The following RORA variants were observed in gnomAD, a reference collection of about 807,000 sequenced individuals.
The protein encoded by RORA is nuclear receptor ROR-alpha.
RORA carries 7 observed loss-of-function variants against 69.5 expected under a neutral mutation model. The observed-to-expected ratio is 0.10, with a 90% CI of 0.06 to 0.19. RORA has a LOEUF of 0.19. RORA is among the 10% of genes least tolerant of loss of function. The pLI, the probability that RORA is intolerant of heterozygous loss-of-function variation, is 1.00. For missense variants in RORA, 457 were observed against 663.0 expected (o/e 0.69, Z 3.41); for synonymous variants, 261 against 240.8 (o/e 1.08, Z -0.78).
chr15:61,225,444 CAA>C (rs536457585), intron 1 of RORA, among the ~76,000 whole-genome samples: 192 of 152,274 alleles, frequency 1.3e-3, no homozygotes, highest in African/African-American at 4.6e-3. Flanking sequence ...CTTTCAAAGT[CAA>C]AGACGTATGT....
chr15:60,515,889 C>CAT lies in RORA; in HGVS notation c.283-1134_283-1133dup, dbSNP rs140835280. Among the ~76,000 whole-genome samples the CAT allele has an allele frequency of 2.0e-3, 212 of 106,782 alleles. 11 individuals carry two copies. The highest frequency in any genetic ancestry group is 0.01 in the African/African-American group (207 of 20,394). The allele number at this position is 106,782 out of a possible 152,430, so 70.1% of individuals were successfully genotyped here. A position where few individuals can be genotyped will look rare whatever the true frequency, so the allele number is the denominator to read the frequency against. Reference sequence around the variant, plus strand: ...CTGGCTAATTATACATACATACATACATATATATATTTATATATATTGTAT... The same window carrying CAT: ...CTGGCTAATTATACATACATACATACATATATATATATTTATATATATTGTAT... On this transcript the variant is annotated intron_variant, in intron 3 of 10. Transcript: ENST00000335670.
chr15:60,720,316 C>T (rs915607070), intron 1 of RORA, among the ~76,000 whole-genome samples: 1 of 152,064 alleles, frequency 6.6e-6, no homozygotes, highest in Non-Finnish European at 1.5e-5. Context: ...CTCGCCCTGA[C>T]GGCAAGACGG....
At chr15:61,118,003 T>G (rs2079066050) in intron 1 of RORA, among the ~76,000 whole-genome samples, 1 of 152,170 alleles carries the variant, frequency 6.6e-6, no homozygotes, top group Non-Finnish European at 1.5e-5. Flanking sequence ...ACTCATACAT[T>G]TATTCAACAA....
intron 1 of RORA, among the ~76,000 whole-genome samples, chr15:60,726,106 A>G (rs1464784763): frequency 6.6e-6 from 1 of 151,958 alleles, no homozygotes; most frequent in Non-Finnish European, 1.5e-5. Context: ...TTCTACCCAT[A>G]ATTAAGGCCA....
chr15:60,811,522 T>C (rs2072742512), intron 1 of RORA, among the ~76,000 whole-genome samples: 2 of 152,248 alleles, frequency 1.3e-5, no homozygotes. Flanking sequence ...GAGGAGAGAA[T>C]AGAATTACAC....
chr15:61,075,746 T>C (rs1566976664), intron 1 of RORA, among the ~76,000 whole-genome samples: 1 of 152,312 alleles, frequency 6.6e-6, no homozygotes, highest in East Asian at 1.9e-4. Context: ...CTTCCATGTC[T>C]AAACCTCCTC....
intron 1 of RORA, among the ~76,000 whole-genome samples, chr15:60,884,673 A>G (rs1035119942): frequency 1.3e-5 from 2 of 152,168 alleles, no homozygotes; most frequent in African/African-American, 4.8e-5. Flanking sequence ...CAGTTACTGA[A>G]GTGGTCTGGA....
At chr15:60,626,891 G>T (rs2069597974) in intron 2 of RORA, among the ~76,000 whole-genome samples, 1 of 152,140 alleles carries the variant, frequency 6.6e-6, no homozygotes, top group Non-Finnish European at 1.5e-5. Flanking sequence ...TCTACAGAGG[G>T]ATTCACGACC....
chr15:61,055,469 C>T, intron 1 of RORA, among the ~76,000 whole-genome samples: 1 of 152,190 alleles, frequency 6.6e-6, no homozygotes, highest in East Asian at 1.9e-4. Context: ...AAAGAAAACA[C>T]ACTCATCTCA....
intron 1 of RORA, among the ~76,000 whole-genome samples, chr15:61,021,340 G>A (rs75336871): frequency 0.043 from 6,613 of 152,242 alleles, 278 homozygotes; most frequent in East Asian, 0.22. Flanking sequence ...TAAATACACC[G>A]TCAGTATCAC....
In RORA at chr15:60,789,616, A is replaced by G. The variant is rs567308318; in HGVS notation, c.167-110930T>C. 2.6e-5 allele frequency among the ~76,000 whole-genome samples: 4 copies of G among 152,394 alleles called. No individual in the cohort carries two copies. The South Asian group carries it at 8.3e-4, about 32-fold the overall frequency. On this transcript the variant is annotated intron_variant, in intron 1 of 10. Coordinates refer to ENST00000335670, the MANE Select transcript of RORA (RefSeq NM_134261.3). ...TCAGGGACAGATCTAGGTTTGGGGC[A>G]GCTGAAGTTTAAGCAAGTTAGGGGA...
rs1567115378 is a variant in RORA at position 60,597,581 on chromosome 15, TATATATATATATACAC to T, written c.197-65746_197-65731del. 7.1e-4 allele frequency among the ~76,000 whole-genome samples: 15 copies of T among 21,032 alleles called. 1 individual carries two copies. Among genetic ancestry groups the T allele is most frequent in the African/African-American group, 1.3e-3 (7 of 5,432 alleles). The allele number at this position is 21,032 out of a possible 152,430, so 13.8% of individuals were successfully genotyped here. Reference sequence around the variant, plus strand: ...ATATATATATATATATATACACATATATATATATATATACACATATATATATATATATATATACATA... The same window carrying T: ...ATATATATATATATATATACACATATATATATATATATATATATATACATA... On this transcript the variant is annotated intron_variant, in intron 2 of 10. Coordinates refer to ENST00000335670, the MANE Select transcript of RORA (RefSeq NM_134261.3).
intron 3 of RORA, among the ~76,000 whole-genome samples, chr15:60,521,367 G>A (rs772703824): frequency 6.6e-6 from 1 of 150,864 alleles, no homozygotes; most frequent in East Asian, 1.9e-4. Context: ...TCAGCCTCCC[G>A]AGTAGCTGGG....
intron 3 of RORA, among the ~76,000 whole-genome samples, chr15:60,516,357 C>T (rs2065959398): frequency 7.2e-6 from 1 of 139,048 alleles, no homozygotes; most frequent in African/African-American, 2.7e-5. Context: ...CCTTGGAGTC[C>T]CAAAGTGTTG....
intron 2 of RORA, among the ~76,000 whole-genome samples, chr15:60,616,133 T>C (rs2069236045): frequency 6.6e-6 from 1 of 152,236 alleles, no homozygotes; most frequent in East Asian, 1.9e-4. Context: ...ATGTCCTGTT[T>C]AATGTATGCA....
rs746856458 is a variant in RORA, at chr15:60,921,132, C to T, written c.167-242446G>A. Among the ~76,000 whole-genome samples, 46 of 152,216 alleles carry T rather than the reference C, an allele frequency of 3.0e-4. 1 individual carries two copies. The highest frequency in any genetic ancestry group is 4.4e-5 in the Non-Finnish European group (3 of 68,036). ...ATGGGTGATAGAAAGAAAACTGGAG[C>T]TCCTGGTTCACATATGCCTACCCCA... On this transcript the variant is annotated intron_variant, in intron 1 of 10. Coordinates refer to ENST00000335670, the MANE Select transcript of RORA (RefSeq NM_134261.3).
At chr15:60,523,052 A>C (rs10438337) in intron 3 of RORA, among the ~76,000 whole-genome samples, 55,889 of 148,650 alleles carry the variant, frequency 0.38, 12,537 homozygotes, top group East Asian at 0.79. Context: ...AAAAAACACA[A>C]AAAAAAAAAC....
intron 1 of RORA, among the ~76,000 whole-genome samples, chr15:60,780,830 T>C (rs1442416300): frequency 6.6e-6 from 1 of 152,182 alleles, no homozygotes; most frequent in African/African-American, 2.4e-5. Context: ...TACATGCTAG[T>C]GTCACCCATT....
chr15:60,883,171 AGAGAGAGAG>A (rs2073710546), intron 1 of RORA, among the ~76,000 whole-genome samples: 1 of 133,330 alleles, frequency 7.5e-6, no homozygotes, highest in African/African-American at 2.8e-5. Context: ...AGAGAGAGAG[AGAGAGAGAG>A]AGAAAGAAAG....
Sources: gnomAD v4.1 joint callset for allele counts (sites outside exome capture counted in the v4.1 genomes callset) on GRCh38, gnomAD v4.1.1 for gene constraint, MANE v1.5 for transcripts, NCBI Gene and HGNC (gene_info 2026-07-23, HGNC 2026-07-21) for gene names.